SLC37A1: variants seen among roughly 807,000 people sequenced by gnomAD.
SLC37A1 encodes the protein glucose-6-phosphate exchanger SLC37A1.
A neutral mutation model predicts 75.3 loss-of-function variants in SLC37A1; 49 were observed. The observed-to-expected ratio is 0.65, with a 90% confidence interval of 0.52 to 0.83. The LOEUF (loss-of-function observed/expected upper bound fraction) is 0.83. SLC37A1 is among the 40% of genes least tolerant of loss of function. The pLI is 0.00. For synonymous variants in SLC37A1, 268 were observed against 292.1 expected (o/e 0.92, Z 0.84); for missense variants, 566 against 695.0 (o/e 0.81, Z 2.09).
chr21:42,579,425 C>T (rs367867948), intron 18 of SLC37A1, among the ~76,000 whole-genome samples: 14 of 140,970 alleles, frequency 9.9e-5, no homozygotes, highest in African/African-American at 3.5e-4. Context: ...TTAGTCTAAA[C>T]GTGACTTGAA....
intron 2 of SLC37A1, among the ~76,000 whole-genome samples, chr21:42,520,773 C>T (rs1440977621): frequency 6.6e-6 from 1 of 152,144 alleles, no homozygotes; most frequent in African/African-American, 2.4e-5. Flanking sequence ...CTAAAAGGAG[C>T]CAGGAGTCCT....
chr21:42,540,422 A>G (rs1477931091), intron 6 of SLC37A1, among the ~76,000 whole-genome samples: 1 of 152,086 alleles, frequency 6.6e-6, no homozygotes, highest in Admixed American at 6.6e-5. Context: ...CAGTGAGAGG[A>G]AAAAGGGGGA....
At chr21:42,503,737 A>G (rs1316299620) in intron 2 of SLC37A1, among the ~76,000 whole-genome samples, 2 of 152,056 alleles carry the variant, frequency 1.3e-5, no homozygotes, top group Non-Finnish European at 2.9e-5. Context: ...TTAATTATCT[A>G]GTTACTAGGA....
rs147757859 is a variant in SLC37A1 at position 42,529,153 on chromosome 21, A to G, written c.138+3296A>G. ...TGATATTACATGAGAATAGACAAAA[A>G]AGTCAGTAGAATAGATTAGAAAATA... On this transcript the variant is annotated intron_variant, in intron 3 of 19. Coordinates refer to ENST00000352133, the MANE Select transcript of SLC37A1 (RefSeq NM_001320537.2). Among the ~76,000 whole-genome samples the G allele has an allele frequency of 1.2e-4, 18 of 152,328 alleles. 1 individual carries two copies. The highest frequency in any genetic ancestry group is 3.4e-3 in the Middle Eastern group (1 of 294).
In SLC37A1 at chr21:42,570,160, C is replaced by T. The variant is rs868105402; in HGVS notation, c.1423+1722C>T. ...CACACGGCCTGGTTCTGAGAAGCGG[C>T]GGGCAGGGTGGCCATTGCCATGTGA... is the stretch of plus-strand genomic sequence containing the variant. On this transcript the variant is annotated intron_variant, in intron 17 of 19. Transcript: ENST00000352133. Among the ~76,000 whole-genome samples, 182 of 100,308 alleles carry T rather than the reference C, an allele frequency of 1.8e-3. 16 individuals carry two copies. Among genetic ancestry groups the T allele is most frequent in the African/African-American group, 4.2e-3 (116 of 27,676 alleles). 65.8% of individuals were successfully genotyped at this position (100,308 alleles called of 152,430 possible).
At chr21:42,522,405 C>T (rs928545369) in intron 2 of SLC37A1, among the ~76,000 whole-genome samples, 6 of 152,218 alleles carry the variant, frequency 3.9e-5, no homozygotes, top group South Asian at 4.1e-4. Flanking sequence ...ATCCATGCTG[C>T]AGAGTGAAGC....
chr21:42,566,722 G>C (rs920254809), intron 15 of SLC37A1, among the ~76,000 whole-genome samples: 1 of 152,154 alleles, frequency 6.6e-6, no homozygotes, highest in African/African-American at 2.4e-5. Context: ...TTCTGCTGCA[G>C]ATGAAGCAGG....
intron 5 of SLC37A1, among the ~76,000 whole-genome samples, chr21:42,537,563 G>A (rs1481429222): frequency 6.6e-6 from 1 of 152,136 alleles, no homozygotes; most frequent in Non-Finnish European, 1.5e-5. Context: ...CCAGGGAAGG[G>A]ATGTTGCTGG....
At chr21:42,534,942 C>T in intron 4 of SLC37A1, 112 bp downstream of exon 4, 3 of 1,386,578 alleles carry the variant, frequency 2.2e-6, no homozygotes, top group Non-Finnish European at 2.9e-6. Context: ...ATTTCCATGA[C>T]AGCCCTCTCC....
At chr21:42,515,554 G>A (rs111405199) in intron 1 of SLC37A1, among the ~76,000 whole-genome samples, 317 of 152,258 alleles carry the variant, frequency 2.1e-3, no homozygotes, top group Non-Finnish European at 3.6e-3. Context: ...CATGTGGGTG[G>A]GTCTGGGAGT....
At chr21:42,570,067 G>A (rs9977798) in intron 17 of SLC37A1, among the ~76,000 whole-genome samples, 30,679 of 90,554 alleles carry the variant, frequency 0.34, 6,070 homozygotes, top group Admixed American at 0.48. Context: ...CAGGGTGGCC[G>A]TTGCCATGTC....
At chr21:42,543,678 G>A (rs940568712) in intron 8 of SLC37A1, 76 bp downstream of exon 8, 92 of 1,452,990 alleles carry the variant, frequency 6.3e-5, no homozygotes, top group Non-Finnish European at 7.5e-5. Context: ...CCTTGGGGGC[G>A]AGTGTGAGAG....
chr21:42,544,559 A>T (rs1487413713), intron 8 of SLC37A1, among the ~76,000 whole-genome samples: 1 of 152,232 alleles, frequency 6.6e-6, no homozygotes, highest in Admixed American at 6.5e-5. Flanking sequence ...ATGTCCAGAC[A>T]CACCCATTGG....
chr21:42,556,690 G>T (rs988538409), intron 10 of SLC37A1, among the ~76,000 whole-genome samples: 4 of 152,212 alleles, frequency 2.6e-5, no homozygotes, highest in African/African-American at 9.6e-5. Context: ...GAAACTGCTT[G>T]TTTAGAGGCA....
chr21:42,579,969 G>A (rs2056391912), intron 19 of SLC37A1, among the ~76,000 whole-genome samples, 169 bp downstream of exon 19: 1 of 152,168 alleles, frequency 6.6e-6, no homozygotes, highest in South Asian at 2.1e-4. Context: ...AAATACCTCT[G>A]GATGGGTTAG....
intron 10 of SLC37A1, among the ~76,000 whole-genome samples, chr21:42,557,322 T>C (rs779966284): frequency 1.3e-4 from 20 of 152,238 alleles, no homozygotes; most frequent in Non-Finnish European, 2.4e-4. Flanking sequence ...TCGAGGCTTC[T>C]CAAAGCCCCC....
Position 42,568,353 on chromosome 21 carries a change from CTT to C in SLC37A1, c.1345-6_1345-5del. 1.9e-6 allele frequency: 3 copies of C among 1,613,394 alleles called. No individual in the cohort carries two copies. The highest frequency in any genetic ancestry group is 2.5e-6 in the Non-Finnish European group (3 of 1,179,466). On this transcript the variant is annotated splice_region_variant and splice_polypyrimidine_tract_variant and intron_variant, in intron 16 of 19. Transcript: ENST00000352133. ...ATAACTGCACGTCTGTTTTTCCTCT[CTT>C]CTAGGGGACTCATAAAAGTCTGAAA...
chr21:42,553,851 CTCTT>C (rs2055615967), intron 9 of SLC37A1, among the ~76,000 whole-genome samples: 1 of 152,206 alleles, frequency 6.6e-6, no homozygotes, highest in Admixed American at 6.5e-5. Context: ...TCTGTCTTAG[CTCTT>C]TCTTCAAGAG....
intron 7 of SLC37A1, 51 bp from the exon 8 acceptor site, chr21:42,543,385 C>T (rs1281479228): frequency 4.3e-6 from 7 of 1,610,130 alleles, no homozygotes; most frequent in East Asian, 4.5e-5. Flanking sequence ...CTGCTGGACT[C>T]GTTTCAGCTT....
Sources: allele counts gnomAD v4.1 joint callset (sites outside exome capture counted in the v4.1 genomes callset), GRCh38; gene constraint gnomAD v4.1.1; transcripts MANE v1.5; gene names NCBI Gene and HGNC (gene_info 2026-07-23, HGNC 2026-07-21).